BTBD9: variants seen among roughly 807,000 people sequenced by gnomAD.
BTBD9 encodes the protein BTB/POZ domain-containing protein 9.
In BTBD9, 49 loss-of-function variants were observed where a neutral mutation model predicts 64.3. The observed-to-expected ratio is 0.76, with a 90% CI of 0.61 to 0.97. The LOEUF is 0.97. Ranked by LOEUF, BTBD9 falls within the 50% of genes least tolerant of loss-of-function variation. The pLI, the probability that BTBD9 is intolerant of heterozygous loss-of-function variation, is 0.00. For missense variants in BTBD9, 598 were observed against 762.1 expected, an observed-to-expected ratio of 0.78 and a Z score of 2.53; for synonymous variants, 260 against 274.7, an observed-to-expected ratio of 0.95 and a Z score of 0.53.
intron 1 of BTBD9, among the ~76,000 whole-genome samples, chr6:38,639,037 AAAAC>A (rs1778629867): frequency 6.6e-6 from 1 of 152,220 alleles, no homozygotes; most frequent in Non-Finnish European, 1.5e-5. Flanking sequence ...GCCTTTAGGA[AAAAC>A]AAACAAAACA....
At position 38,222,771 on chromosome 6, in the gene BTBD9, G is replaced by T. The variant is rs140571915; in HGVS notation, c.1563-30174C>A. On this transcript the variant is annotated intron_variant, in intron 9 of 10. Transcript: ENST00000481247. Reference sequence around the variant, plus strand: ...AAAATAAAAAGTAAATGTAAAGATAGACAGACAAACAGGCAAAACATATTT... The same window carrying T: ...AAAATAAAAAGTAAATGTAAAGATATACAGACAAACAGGCAAAACATATTT... 5.6e-4 allele frequency among the ~76,000 whole-genome samples: 86 copies of T among 152,268 alleles called. 1 individual carries two copies. The East Asian group carries it at 0.01, about 18-fold the overall frequency.
In BTBD9 at chr6:38,174,855, T is replaced by C; in HGVS notation, c.*130A>G. 1 of 1,066,874 alleles carries C rather than the reference T, an allele frequency of 9.4e-7. No individual in the cohort carries two copies. The highest frequency in any genetic ancestry group is 1.5e-5 in the South Asian group (1 of 67,374). The allele number at this position is 1,066,874 out of a possible 1,614,324, so 66.1% of individuals were successfully genotyped here. A position where few individuals can be genotyped will look rare whatever the true frequency, so the allele number is the denominator to read the frequency against. Reference sequence around the variant, plus strand: ...AGAAAACCTGTTCGGTGTCTGCTTTTGCAGCTAGGTCGGCTCCTCCCTGGA... The same window carrying C: ...AGAAAACCTGTTCGGTGTCTGCTTTCGCAGCTAGGTCGGCTCCTCCCTGGA... On this transcript the variant is annotated 3_prime_UTR_variant, in exon 11 of 11. Coordinates refer to ENST00000481247, the MANE Select transcript of BTBD9 (RefSeq NM_001099272.2).
chr6:38,196,601 C>T (rs1762280506), intron 9 of BTBD9, among the ~76,000 whole-genome samples: 1 of 152,198 alleles, frequency 6.6e-6, no homozygotes, highest in Non-Finnish European at 1.5e-5. Flanking sequence ...GTTTTGAATA[C>T]ATTCTTGTGC....
intron 10 of BTBD9, among the ~76,000 whole-genome samples, chr6:38,180,208 G>T (rs1761486296): frequency 6.6e-6 from 1 of 152,222 alleles, no homozygotes; most frequent in Non-Finnish European, 1.5e-5. Flanking sequence ...ATTCGGGGGG[G>T]CCTGTGGGTG....
chr6:38,610,685 A>T (rs1418111357), intron 1 of BTBD9, among the ~76,000 whole-genome samples: 1 of 152,172 alleles, frequency 6.6e-6, no homozygotes, highest in African/African-American at 2.4e-5. Flanking sequence ...GGAAAGGGAG[A>T]TTAGGCCACA....
In BTBD9 at chr6:38,614,706, T is replaced by A. The variant is rs77783125; in HGVS notation, c.-27-16585A>T. ...CAGCAAGTCTTTTGTTTTTACCTCC[T>A]AAGATAGCTTTCAAGTCAATTTACT... On this transcript the variant is annotated intron_variant, in intron 1 of 10. Transcript: ENST00000481247. Among the ~76,000 whole-genome samples the A allele has an allele frequency of 1.4e-3, 214 of 152,294 alleles. 4 individuals are homozygous for A. In the East Asian group the frequency reaches 0.038, roughly 27 times the overall value.
At chr6:38,374,899 T>C (rs1049494659) in intron 6 of BTBD9, among the ~76,000 whole-genome samples, 3 of 152,208 alleles carry the variant, frequency 2.0e-5, no homozygotes, top group Non-Finnish European at 2.9e-5. Context: ...TGGAACACAA[T>C]GTCCAAAAAC....
chr6:38,181,617 G>A (rs1561839992), intron 10 of BTBD9, among the ~76,000 whole-genome samples: 1 of 152,164 alleles, frequency 6.6e-6, no homozygotes, highest in Non-Finnish European at 1.5e-5. Flanking sequence ...TAAAAATGAA[G>A]ACGAGTGCCT....
Position 38,626,347 on chromosome 6 carries a change from C to T in BTBD9, c.-28+13453G>A, listed in dbSNP as rs139948687. ...TCTTTTTAGTTATTTTTTAAATGTA[C>T]GATTAAATTATTATTGGCTATAGTC... On this transcript the variant is annotated intron_variant, in intron 1 of 10. Coordinates refer to ENST00000481247, the MANE Select transcript of BTBD9 (RefSeq NM_001099272.2). Among the ~76,000 whole-genome samples, 1,325 of 152,170 alleles carry T rather than the reference C, an allele frequency of 8.7e-3. 12 individuals carry two copies. Among genetic ancestry groups the T allele is most frequent in the African/African-American group, 0.03 (1,245 of 41,494 alleles).
At chr6:38,224,796 A>T (rs973667921) in intron 9 of BTBD9, among the ~76,000 whole-genome samples, 2 of 152,214 alleles carry the variant, frequency 1.3e-5, no homozygotes, top group Admixed American at 1.3e-4. Context: ...CCCATTACAA[A>T]CCAACGCTTA....
intron 6 of BTBD9, among the ~76,000 whole-genome samples, chr6:38,373,619 C>A (rs1765515814): frequency 6.6e-6 from 1 of 152,186 alleles, no homozygotes; most frequent in Non-Finnish European, 1.5e-5. Flanking sequence ...GCAGCCTCGA[C>A]CTGCCAGGCT....
intron 6 of BTBD9, among the ~76,000 whole-genome samples, chr6:38,452,094 C>T (rs1445629539): frequency 1.3e-5 from 2 of 152,086 alleles, no homozygotes; most frequent in Non-Finnish European, 2.9e-5. Flanking sequence ...TCACAGATAA[C>T]AATAACAGGA....
intron 1 of BTBD9, among the ~76,000 whole-genome samples, chr6:38,621,621 T>TAGC (rs555502958): frequency 1.1e-3 from 165 of 152,330 alleles, no homozygotes; most frequent in Non-Finnish European, 1.8e-3. Flanking sequence ...TGAACACAGA[T>TAGC]AGCAAGTACG....
intron 6 of BTBD9, among the ~76,000 whole-genome samples, chr6:38,404,975 C>T (rs1767099972): frequency 6.6e-6 from 1 of 152,202 alleles, no homozygotes; most frequent in South Asian, 2.1e-4. Context: ...ATATTACTGT[C>T]ATCACTGAGG....
chr6:38,495,424 T>C (rs1169908072), intron 6 of BTBD9, among the ~76,000 whole-genome samples: 4 of 152,346 alleles, frequency 2.6e-5, no homozygotes, highest in Middle Eastern at 3.4e-3. Context: ...GAACCAGAGT[T>C]AGCAGGTATG....
chr6:38,397,232 C>G (rs1395164180), intron 6 of BTBD9, among the ~76,000 whole-genome samples: 7 of 152,086 alleles, frequency 4.6e-5, no homozygotes, highest in Non-Finnish European at 1.0e-4. Flanking sequence ...TTTAACGTAG[C>G]TACTAGAAAA....
chr6:38,378,239 A>T (rs969550342), intron 6 of BTBD9, among the ~76,000 whole-genome samples: 2 of 148,336 alleles, frequency 1.3e-5, no homozygotes, highest in African/African-American at 5.0e-5. Context: ...CATAGGCAAA[A>T]CTTTTCTTTT....
Position 38,339,539 on chromosome 6 carries a change from A to G in BTBD9, c.1264+5445T>C, listed in dbSNP as rs1050829519. On this transcript the variant is annotated intron_variant, in intron 7 of 10. Coordinates refer to ENST00000481247, the MANE Select transcript of BTBD9 (RefSeq NM_001099272.2). ...AAAAAATATATAATATGTATGGTAT[A>G]TAGTGTGCTACCAATTATTTAAAGA... Among the ~76,000 whole-genome samples, 5 of 152,218 alleles carry G rather than the reference A, an allele frequency of 3.3e-5. No homozygotes were observed. In the East Asian group the frequency reaches 7.7e-4, roughly 23 times the overall value.
Position 38,288,392 on chromosome 6 carries a change from T to A in BTBD9, c.1334A>T (p.Asn445Ile). ...CTTAGTGTCCCCATTCAGCAAGGCA[T>A]TTCGGCTCCGACTGACTCCTTCAAT... ...SVIEGVSRSR[N>I]ALLNGDTKNY... Residue 445 changes from asparagine (N) to isoleucine (I), a missense_variant, in exon 8 of 11, where the codon AAT (asparagine) becomes ATT (isoleucine). Asn to Ile is a moderately radical substitution (Grantham distance 149). Coordinates refer to ENST00000481247, the MANE Select transcript of BTBD9 (RefSeq NM_001099272.2). The A allele has an allele frequency of 6.2e-7, 1 of 1,614,122 alleles. No individual in the cohort carries two copies. The highest frequency in any genetic ancestry group is 8.5e-7 in the Non-Finnish European group (1 of 1,180,008).
Sources: allele counts gnomAD v4.1 joint callset (sites outside exome capture counted in the v4.1 genomes callset), GRCh38; gene constraint gnomAD v4.1.1; transcripts MANE v1.5; gene names NCBI Gene and HGNC (gene_info 2026-07-23, HGNC 2026-07-21).